Variants in CFAP54 observed in about 807,000 individuals in gnomAD.
The protein encoded by CFAP54 is cilia- and flagella-associated protein 54.
A neutral mutation model predicts 370.4 loss-of-function variants in CFAP54; 290 were observed. The observed-to-expected ratio is 0.78, with a 90% CI of 0.71 to 0.86. The LOEUF is 0.86. Ranked by LOEUF, CFAP54 falls within the 40% of genes least tolerant of loss-of-function variation. CFAP54 has a pLI of 0.00. For synonymous variants in CFAP54, 1,206 were observed against 1,236.5 expected (o/e 0.98, Z 0.52); for missense variants, 3,399 against 3,528.7 (o/e 0.96, Z 0.93).
Position 96,580,601 on chromosome 12 carries a change from C to T in CFAP54, c.2801C>T (p.Ser934Phe), listed in dbSNP as rs1337124013. Residue 934 changes from serine (S) to phenylalanine (F), a missense_variant, in exon 21 of 68, where the codon TCC (serine) becomes TTC (phenylalanine). Ser to Phe is a radical substitution (Grantham distance 155, BLOSUM62 -2). Around this residue, in one of 3 missense-constraint regions of CFAP54, gnomAD observed 2,796 missense variants for 2,869.7 expected, o/e 0.97. Coordinates refer to ENST00000524981, the MANE Select transcript of CFAP54 (RefSeq NM_001306084.2). ...GCTCATTTTTCTCGTCGGCAGGTCT[C>T]CTGGTACTGCATTTTGGGTTGCAAA... ...PAPFTSEVKV[S>F]WYCILGCKAE... The T allele has an allele frequency of 6.6e-7, 1 of 1,513,836 alleles. No individual in the cohort carries two copies. The highest frequency in any genetic ancestry group is 8.8e-7 in the Non-Finnish European group (1 of 1,135,852). The allele number at this position is 1,513,836 out of a possible 1,614,324, so 93.8% of individuals were successfully genotyped here. A position where few individuals can be genotyped will look rare whatever the true frequency, so the allele number is the denominator to read the frequency against.
At chr12:96,714,242 G>T (rs1202187754) in intron 48 of CFAP54, among the ~76,000 whole-genome samples, 1 of 152,212 alleles carries the variant, frequency 6.6e-6, no homozygotes, top group Non-Finnish European at 1.5e-5. Flanking sequence ...CTTGAAGGTG[G>T]AGTCAAAAAG....
chr12:96,638,653 T>A (rs780036594), intron 32 of CFAP54, among the ~76,000 whole-genome samples: 4 of 152,228 alleles, frequency 2.6e-5, no homozygotes, highest in Non-Finnish European at 5.9e-5. Context: ...ATTGCTTTGA[T>A]TAATTTCTAG....
At chr12:96,580,732 A>G in intron 21 of CFAP54, 43 bp downstream of exon 21, 5 of 1,303,778 alleles carry the variant, frequency 3.8e-6, no homozygotes, top group Non-Finnish European at 5.2e-6. Flanking sequence ...GAAGCCTTTA[A>G]TGATAATTAA....
chr12:96,708,844 T>C (rs1274896408), intron 48 of CFAP54, 41 bp downstream of exon 48: 1 of 1,479,436 alleles, frequency 6.8e-7, no homozygotes, highest in South Asian at 1.3e-5. Flanking sequence ...TTCTCCTCCC[T>C]TTCCCTAACT....
intron 5 of CFAP54, among the ~76,000 whole-genome samples, chr12:96,517,172 C>A (rs765967583): frequency 6.6e-6 from 1 of 151,916 alleles, no homozygotes; most frequent in Admixed American, 6.6e-5. Context: ...TTTTTCATAA[C>A]CCTAAGTGGT....
intron 63 of CFAP54, among the ~76,000 whole-genome samples, chr12:96,792,756 A>G (rs1003445537): frequency 6.6e-6 from 1 of 151,994 alleles, no homozygotes; most frequent in Non-Finnish European, 1.5e-5. Context: ...ATGATGCTTA[A>G]CTTTTTTTTG....
intron 9 of CFAP54, among the ~76,000 whole-genome samples, chr12:96,527,788 C>T (rs1955399856): frequency 1.3e-5 from 2 of 151,982 alleles, no homozygotes; most frequent in African/African-American, 2.4e-5. Flanking sequence ...AGTCTGGTCT[C>T]GACCTCCTGG....
intron 64 of CFAP54, among the ~76,000 whole-genome samples, chr12:96,817,555 G>A (rs1247512043): frequency 6.6e-6 from 1 of 151,924 alleles, no homozygotes; most frequent in African/African-American, 2.4e-5. Context: ...TGAGTAGCTG[G>A]CACTACAGGC....
intron 39 of CFAP54, among the ~76,000 whole-genome samples, chr12:96,678,699 T>G (rs1377197004): frequency 6.6e-6 from 1 of 152,222 alleles, no homozygotes; most frequent in Non-Finnish European, 1.5e-5. Context: ...CACTGATCTC[T>G]GTCTTCCATC....
intron 49 of CFAP54, among the ~76,000 whole-genome samples, 167 bp from the exon 50 acceptor site, chr12:96,720,238 T>C (rs984406009): frequency 6.6e-5 from 10 of 152,246 alleles, no homozygotes; most frequent in African/African-American, 2.4e-4. Flanking sequence ...TTCTGTTGCC[T>C]TTTTCCTTTT....
At chr12:96,558,877 A>G (rs1458821550) in intron 17 of CFAP54, among the ~76,000 whole-genome samples, 2 of 152,180 alleles carry the variant, frequency 1.3e-5, no homozygotes, top group Middle Eastern at 3.2e-3. Context: ...ATGGACAAAT[A>G]GGATCATATC....
rs1958126451 is a variant in CFAP54, at chr12:96,747,246, T to A, written c.7684+3100T>A. On this transcript the variant is annotated intron_variant, in intron 55 of 67. Coordinates refer to ENST00000524981, the MANE Select transcript of CFAP54 (RefSeq NM_001306084.2). ...TAATTTTTATACAATGGAAAGGTGT[T>A]CGCACTACATTGGAACATATATAAC... is the stretch of plus-strand genomic sequence containing the variant. 1.7e-4 allele frequency among the ~76,000 whole-genome samples: 26 copies of A among 152,208 alleles called. 1 individual carries two copies. The highest frequency in any genetic ancestry group is 1.7e-3 in the Admixed American group (26 of 15,270).
At position 96,536,343 on chromosome 12, in the gene CFAP54, T is replaced by C. The variant is rs114824596; in HGVS notation, c.1791+743T>C. 3.3e-3 allele frequency among the ~76,000 whole-genome samples: 501 copies of C among 152,288 alleles called. 3 individuals are homozygous for C. Among genetic ancestry groups the C allele is most frequent in the African/African-American group, 0.012 (483 of 41,556 alleles). ...AATTTCATTTGAAAATTTGGTTATA[T>C]TGTCATTTTTAAAAAGTATGTAAAC... On this transcript the variant is annotated intron_variant, in intron 12 of 67. Transcript: ENST00000524981.
At chr12:96,605,894 A>G (rs1956294585) in intron 26 of CFAP54, among the ~76,000 whole-genome samples, 1 of 152,176 alleles carries the variant, frequency 6.6e-6, no homozygotes, top group Non-Finnish European at 1.5e-5. Context: ...TCAAATGCCT[A>G]CTGAGACCAA....
At chr12:96,579,103 C>G (rs982004694) in intron 20 of CFAP54, among the ~76,000 whole-genome samples, 4 of 151,890 alleles carry the variant, frequency 2.6e-5, no homozygotes, top group Non-Finnish European at 5.9e-5. Flanking sequence ...GTCTTTCTGC[C>G]TTTTTTCTTC....
intron 63 of CFAP54, among the ~76,000 whole-genome samples, chr12:96,799,102 G>A (rs1958795113): frequency 6.6e-6 from 1 of 152,114 alleles, no homozygotes; most frequent in African/African-American, 2.4e-5. Flanking sequence ...AGGGCTAATT[G>A]GAGGATAGAA....
chr12:96,612,408 C>A (rs1956368062), intron 26 of CFAP54, among the ~76,000 whole-genome samples: 1 of 152,194 alleles, frequency 6.6e-6, no homozygotes, highest in African/African-American at 2.4e-5. Flanking sequence ...TGGAAAGGAA[C>A]AACCAGTACC....
intron 17 of CFAP54, among the ~76,000 whole-genome samples, chr12:96,555,180 G>A (rs1330269716): frequency 1.3e-5 from 2 of 152,002 alleles, no homozygotes; most frequent in Non-Finnish European, 2.9e-5. Flanking sequence ...AACCATATCA[G>A]TTGAGGTTGA....
At chr12:96,784,163 C>T (rs1199747006) in intron 60 of CFAP54, among the ~76,000 whole-genome samples, 2 of 152,146 alleles carry the variant, frequency 1.3e-5, no homozygotes, top group Non-Finnish European at 2.9e-5. Flanking sequence ...TCTGCATTTT[C>T]AGTTTTCTTA....
Sources: gnomAD v4.1 joint callset for allele counts (sites outside exome capture counted in the v4.1 genomes callset) on GRCh38, gnomAD v4.1.1 for gene constraint, gnomAD v4.1.1 regional missense constraint, MANE v1.5 for transcripts, NCBI Gene and HGNC (gene_info 2026-07-23, HGNC 2026-07-21) for gene names.